The following SLC25A21 variants were observed in gnomAD, a reference collection of about 807,000 sequenced individuals.
SLC25A21 encodes solute carrier family 25 member 21.
In SLC25A21, 47 loss-of-function variants were observed where a neutral mutation model predicts 43.8. That is an observed-to-expected ratio of 1.07 (90% CI 0.85 to 1.37). The LOEUF (loss-of-function observed/expected upper bound fraction) is 1.37, where lower values mean the gene tolerates loss of function less well. Ranked by LOEUF, SLC25A21 falls within the 40% of genes most tolerant of loss-of-function variation. SLC25A21 has a pLI of 0.00. For synonymous variants in SLC25A21, 131 were observed against 121.3 expected (o/e 1.08, Z -0.52); for missense variants, 352 against 350.2 (o/e 1.00, Z -0.04).
At chr14:36,867,401 A>G (rs1473851179) in intron 2 of SLC25A21, among the ~76,000 whole-genome samples, 1 of 152,108 alleles carries the variant, frequency 6.6e-6, no homozygotes, top group Non-Finnish European at 1.5e-5. Context: ...TTTGATTATT[A>G]CCAAATACTC....
chr14:36,749,825 T>C (rs576128840), intron 3 of SLC25A21, among the ~76,000 whole-genome samples: 8 of 152,198 alleles, frequency 5.3e-5, no homozygotes, highest in Non-Finnish European at 1.2e-4. Flanking sequence ...CTCCCCTTTA[T>C]TCTATTTAAT....
intron 3 of SLC25A21, among the ~76,000 whole-genome samples, chr14:36,800,954 AT>A (rs1474568215): frequency 6.6e-6 from 1 of 152,094 alleles, no homozygotes; most frequent in Non-Finnish European, 1.5e-5. Flanking sequence ...AGATGGAAAC[AT>A]TTTTTTCTCA....
At chr14:36,739,038 T>C (rs1238252330) in intron 3 of SLC25A21, among the ~76,000 whole-genome samples, 6 of 152,328 alleles carry the variant, frequency 3.9e-5, no homozygotes, top group Non-Finnish European at 5.9e-5. Flanking sequence ...AAGTTCTTTA[T>C]GTCCTTGACC....
intron 1 of SLC25A21, among the ~76,000 whole-genome samples, chr14:37,030,300 G>A (rs1961183689): frequency 6.6e-6 from 1 of 152,106 alleles, no homozygotes; most frequent in East Asian, 1.9e-4. Context: ...TGTCTCTGGG[G>A]TGGCAGGAGG....
intron 4 of SLC25A21, among the ~76,000 whole-genome samples, chr14:36,732,139 T>C (rs963308215): frequency 1.3e-5 from 2 of 152,114 alleles, no homozygotes; most frequent in Non-Finnish European, 2.9e-5. Context: ...TTTCTCTCTA[T>C]GTATATTTCT....
chr14:36,960,450 C>G (rs1226568315), intron 1 of SLC25A21, among the ~76,000 whole-genome samples: 1 of 151,966 alleles, frequency 6.6e-6, no homozygotes, highest in African/African-American at 2.4e-5. Context: ...TAGATAGATG[C>G]CTATGTTTTT....
intron 1 of SLC25A21, among the ~76,000 whole-genome samples, chr14:37,004,079 C>T (rs559011706): frequency 1.1e-3 from 162 of 152,224 alleles, no homozygotes; most frequent in Non-Finnish European, 1.6e-3. Context: ...ACTACTGCTG[C>T]AAACCACTCT....
intron 1 of SLC25A21, among the ~76,000 whole-genome samples, chr14:37,055,890 C>T (rs1961814289): frequency 6.6e-6 from 1 of 152,192 alleles, no homozygotes; most frequent in South Asian, 2.1e-4. Flanking sequence ...TTTCTGTCCT[C>T]ATGCAAATCT....
intron 1 of SLC25A21, among the ~76,000 whole-genome samples, chr14:37,061,246 A>C (rs1458836153): frequency 9.2e-5 from 14 of 152,118 alleles, no homozygotes; most frequent in Admixed American, 9.2e-4. Context: ...TCCACAAATA[A>C]AGCACATTTT....
At chr14:37,023,108 T>C (rs1961022189) in intron 1 of SLC25A21, among the ~76,000 whole-genome samples, 1 of 151,944 alleles carries the variant, frequency 6.6e-6, no homozygotes, top group Non-Finnish European at 1.5e-5. Flanking sequence ...TCCAGGACAG[T>C]TTGGCTCCAG....
chr14:37,121,023 G>A (rs1208761881), intron 1 of SLC25A21, among the ~76,000 whole-genome samples: 2 of 152,058 alleles, frequency 1.3e-5, no homozygotes, highest in Non-Finnish European at 2.9e-5. Context: ...ACATTTCTTC[G>A]CAAAAAGTAT....
At chr14:36,964,090 G>A (rs572636889) in intron 1 of SLC25A21, among the ~76,000 whole-genome samples, 110 of 152,242 alleles carry the variant, frequency 7.2e-4, no homozygotes, top group African/African-American at 2.5e-3. Flanking sequence ...AATGAATATA[G>A]TTTTATTACT....
chr14:36,811,808 T>C (rs1273765999), intron 3 of SLC25A21, among the ~76,000 whole-genome samples: 1 of 152,312 alleles, frequency 6.6e-6, no homozygotes, highest in East Asian at 1.9e-4. Context: ...TAAAAAATTA[T>C]CAGCTGGATT....
At chr14:36,834,191 A>G (rs1440828213) in intron 2 of SLC25A21, among the ~76,000 whole-genome samples, 2 of 152,248 alleles carry the variant, frequency 1.3e-5, no homozygotes, top group African/African-American at 4.8e-5. Context: ...ATTAGCAAGA[A>G]GATCACTAAT....
chr14:36,715,198 A>G (rs549548774), intron 6 of SLC25A21, among the ~76,000 whole-genome samples: 74 of 152,350 alleles, frequency 4.9e-4, no homozygotes, highest in Non-Finnish European at 8.8e-4. Flanking sequence ...CCTTGGGATA[A>G]AGAAAACCAG....
At chr14:36,763,658 G>A (rs73264788) in intron 3 of SLC25A21, among the ~76,000 whole-genome samples, 24,209 of 151,874 alleles carry the variant, frequency 0.16, 2,210 homozygotes, top group Middle Eastern at 0.25. Context: ...TGATGTGGGT[G>A]CTCATGTAGG....
At chr14:37,001,126 T>A (rs991033455) in intron 1 of SLC25A21, among the ~76,000 whole-genome samples, 1 of 152,170 alleles carries the variant, frequency 6.6e-6, no homozygotes, top group Non-Finnish European at 1.5e-5. Context: ...ATTTAATATC[T>A]GTCCCTATCC....
chr14:37,013,897 A>G (rs1256236135), intron 1 of SLC25A21, among the ~76,000 whole-genome samples: 1 of 152,226 alleles, frequency 6.6e-6, no homozygotes, highest in Non-Finnish European at 1.5e-5. Context: ...CAGTGCATAT[A>G]AAAGTTATGT....
chr14:36,924,109 T>C (rs1036496613), intron 1 of SLC25A21, among the ~76,000 whole-genome samples: 6 of 152,054 alleles, frequency 3.9e-5, no homozygotes, highest in Non-Finnish European at 8.8e-5. Flanking sequence ...ATTATGGAAG[T>C]CAGTGTGGCG....
Sources: gnomAD v4.1 joint callset for allele counts (sites outside exome capture counted in the v4.1 genomes callset) on GRCh38, gnomAD v4.1.1 for gene constraint, MANE v1.5 for transcripts, NCBI Gene and HGNC (gene_info 2026-07-23, HGNC 2026-07-21) for gene names.